GRM4: variants seen among roughly 807,000 people sequenced by gnomAD.
GRM4 encodes the protein glutamate metabotropic receptor 4, also known as metabotropic glutamate receptor 4.
In GRM4, 28 loss-of-function variants were observed where a neutral mutation model predicts 81.7. The observed-to-expected ratio is 0.34, with a 90% CI of 0.25 to 0.47. GRM4 has a LOEUF of 0.47. Ranked by LOEUF, GRM4 falls within the 20% of genes least tolerant of loss-of-function variation. The probability of loss-of-function intolerance (pLI) is 1.00; values close to 1 mark genes in which losing one functional copy is unlikely to be tolerated. For synonymous variants in GRM4, 488 were observed against 528.8 expected (o/e 0.92, Z 1.06); for missense variants, 948 against 1,290.0 (o/e 0.73, Z 4.06).
Position 34,078,499 on chromosome 6 carries a change from C to T in GRM4, c.736+13384G>A, listed in dbSNP as rs572670663. Among the ~76,000 whole-genome samples the T allele has an allele frequency of 1.3e-5, 2 of 152,266 alleles. No individual in the cohort carries two copies. Among genetic ancestry groups the T allele is most frequent in the South Asian group, 4.1e-4 (2 of 4,824 alleles). On this transcript the variant is annotated intron_variant, in intron 3 of 10. Coordinates refer to ENST00000538487, the MANE Select transcript of GRM4 (RefSeq NM_000841.4). This position sits in a 1 kb window ranked among gnomAD's most constrained non-coding sequence, Gnocchi z 4.8. The stretch of plus-strand genomic sequence containing the variant: ...TTCCCTTCTTCCACCCCGTCTTCTT[C>T]CCCACCTCCACCTTTCTATCTCACC...
At position 34,078,463 on chromosome 6, in the gene GRM4, C is replaced by T. The variant is rs977564334; in HGVS notation, c.736+13420G>A. 1.6e-4 allele frequency among the ~76,000 whole-genome samples: 24 copies of T among 152,172 alleles called. No individual in the cohort carries two copies. The highest frequency in any genetic ancestry group is 1.5e-3 in the Admixed American group (23 of 15,286). ...CCCCACCAGCCAGAGCCCAGTGCTG[C>T]GGTCCACACCTTCCCTTCTTCCACC... On this transcript the variant is annotated intron_variant, in intron 3 of 10. Coordinates refer to ENST00000538487, the MANE Select transcript of GRM4 (RefSeq NM_000841.4). The surrounding 1 kb of genome is among the most constrained non-coding windows in gnomAD (Gnocchi z 4.8).
intron 2 of GRM4, among the ~76,000 whole-genome samples, chr6:34,107,966 G>A (rs1769203847): frequency 6.6e-6 from 1 of 152,222 alleles, no homozygotes; most frequent in South Asian, 2.1e-4. Context: ...CTGGAGCCAG[G>A]AGACAAGGCT....
intron 2 of GRM4, among the ~76,000 whole-genome samples, chr6:34,098,420 T>C (rs1768653601): frequency 1.3e-5 from 2 of 152,162 alleles, no homozygotes; most frequent in African/African-American, 4.8e-5. Context: ...CTGACTCTGC[T>C]CTTTCTGTTC....
rs1427674762 is a variant in GRM4 at position 34,130,950 on chromosome 6, G to T, written c.519+2028C>A. On this transcript the variant is annotated intron_variant, in intron 2 of 10. Coordinates refer to ENST00000538487, the MANE Select transcript of GRM4 (RefSeq NM_000841.4). This position sits in a 1 kb window ranked among gnomAD's most constrained non-coding sequence, Gnocchi z 4.1. ...AGGCTGGGGATCTGTGCCCCACCCTGCCAGGCTGACAAGGAGGAGTCCAAG... is the reference window on the plus strand; with the variant it reads ...AGGCTGGGGATCTGTGCCCCACCCTTCCAGGCTGACAAGGAGGAGTCCAAG... Among the ~76,000 whole-genome samples, 1 of 152,236 alleles carries T rather than the reference G, an allele frequency of 6.6e-6. No homozygotes were observed. The highest frequency in any genetic ancestry group is 1.5e-5 in the Non-Finnish European group (1 of 68,044).
chr6:34,154,987 G>A (rs1281909554), intron 1 of GRM4: 1 of 1,099,322 alleles, frequency 9.1e-7, no homozygotes. Flanking sequence ...GGTCCGAGCG[G>A]GACCCAGGCC....
At chr6:34,071,842 TACAAACCACACACACAACCATAC>T (rs1766891542) in intron 3 of GRM4, among the ~76,000 whole-genome samples, 2 of 84,740 alleles carry the variant, frequency 2.4e-5, no homozygotes, top group Non-Finnish European at 4.7e-5. Flanking sequence ...ACCACACAGA[TACAAACCACACACACAACCATAC>T]ATCAACACAC....
Position 34,070,806 on chromosome 6 carries a change from A to G in GRM4, c.737-8778T>C, listed in dbSNP as rs1240405531. On this transcript the variant is annotated intron_variant, in intron 3 of 10. Coordinates refer to ENST00000538487, the MANE Select transcript of GRM4 (RefSeq NM_000841.4). This position sits in a 1 kb window ranked among gnomAD's most constrained non-coding sequence, Gnocchi z 4.6. ...CACACCCCCAGCCACACACACACAC[A>G]CACACACACACACGGCAATGCACAC... 1.3e-5 allele frequency among the ~76,000 whole-genome samples: 2 copies of G among 148,314 alleles called. No individual in the cohort carries two copies. The highest frequency in any genetic ancestry group is 1.5e-5 in the Non-Finnish European group (1 of 67,170).
chr6:34,104,237 C>T (rs537612302), intron 2 of GRM4, among the ~76,000 whole-genome samples: 2 of 152,168 alleles, frequency 1.3e-5, no homozygotes, highest in Non-Finnish European at 2.9e-5. Flanking sequence ...CCCAAAGGGG[C>T]GAGGCTGAGG....
chr6:34,022,731 A>G lies in GRM4; in HGVS notation c.*90T>C. ...GTCCGTGGGTGCCCACGGGCAGGCA[A>G]GACAGCTGGGCCCTTGGGTGTGGCC... On this transcript the variant is annotated 3_prime_UTR_variant, in exon 11 of 11. Transcript: ENST00000538487. This position sits in a 1 kb window ranked among gnomAD's most constrained non-coding sequence, Gnocchi z 5.6. 5.0e-6 allele frequency: 6 copies of G among 1,196,908 alleles called. No homozygotes were observed. Among genetic ancestry groups the G allele is most frequent in the Non-Finnish European group, 7.5e-6 (6 of 804,092 alleles). The allele number at this position is 1,196,908 out of a possible 1,614,324, so 74.1% of individuals were successfully genotyped here.
intron 2 of GRM4, among the ~76,000 whole-genome samples, chr6:34,128,339 G>A (rs1770102002): frequency 6.6e-6 from 1 of 151,404 alleles, no homozygotes; most frequent in Admixed American, 6.6e-5. Context: ...CAGGCACCAT[G>A]CTAGGCCTTC....
intron 1 of GRM4, among the ~76,000 whole-genome samples, chr6:34,141,306 C>T (rs1321222330): frequency 1.3e-5 from 2 of 152,168 alleles, no homozygotes; most frequent in Admixed American, 6.5e-5. Context: ...AGTGCCTTCT[C>T]GGGAGAACTG....
chr6:34,134,804 A>G (rs1041324023), intron 1 of GRM4, among the ~76,000 whole-genome samples: 3 of 152,118 alleles, frequency 2.0e-5, no homozygotes, highest in African/African-American at 7.2e-5. Context: ...GATCATCATC[A>G]TCATTATTGT....
chr6:34,043,615 G>C lies in GRM4; in HGVS notation c.1169-2867C>G, dbSNP rs576585974. On this transcript the variant is annotated intron_variant, in intron 6 of 10. Coordinates refer to ENST00000538487, the MANE Select transcript of GRM4 (RefSeq NM_000841.4). ...CCAAGGACGCACCCAGCCATGGGAGGCTAGCTGGATCTCTGGGGAAACACA... is the reference window on the plus strand; with the variant it reads ...CCAAGGACGCACCCAGCCATGGGAGCCTAGCTGGATCTCTGGGGAAACACA... 2.6e-5 allele frequency among the ~76,000 whole-genome samples: 4 copies of C among 152,286 alleles called. No homozygotes were observed. The South Asian group carries it at 6.2e-4, about 24-fold the overall frequency.
At chr6:34,094,615 G>A (rs1208957078) in intron 2 of GRM4, among the ~76,000 whole-genome samples, 7 of 152,228 alleles carry the variant, frequency 4.6e-5, no homozygotes, top group African/African-American at 1.7e-4. Context: ...CTGTGCAGGG[G>A]AGGTTAGTTC....
At chr6:34,129,543 T>C (rs1384126904) in intron 2 of GRM4, among the ~76,000 whole-genome samples, 2 of 152,100 alleles carry the variant, frequency 1.3e-5, no homozygotes, top group Non-Finnish European at 2.9e-5. Context: ...ATGGGACAAA[T>C]TGCAAATGAA....
chr6:34,092,141 C>T lies in GRM4; in HGVS notation c.520-42G>A. On this transcript the variant is annotated intron_variant, in intron 2 of 10. Coordinates refer to ENST00000538487, the MANE Select transcript of GRM4 (RefSeq NM_000841.4). This position sits in a 1 kb window ranked among gnomAD's most constrained non-coding sequence, Gnocchi z 6.8. ...GCTGCTGAGGGTGGCGACTGGCTCC[C>T]CACCCTGCCTAGCCAGCCCCATTCC... 2 of 1,381,792 alleles carry T rather than the reference C, an allele frequency of 1.4e-6. No homozygotes were observed. Among genetic ancestry groups the T allele is most frequent in the East Asian group, 2.3e-5 (1 of 43,134 alleles). 85.6% of individuals were successfully genotyped at this position (1,381,792 alleles called of 1,614,324 possible).
rs2127442185 is a variant in GRM4, at chr6:34,035,343, G to A, written c.2442+325C>T. ...AAGGAGAACAGGGGGAGGATGGAAAGAGGGAGTAAAGTGGGGCTGAAGGAG... is the reference window on the plus strand; with the variant it reads ...AAGGAGAACAGGGGGAGGATGGAAAAAGGGAGTAAAGTGGGGCTGAAGGAG... On this transcript the variant is annotated intron_variant, in intron 9 of 10. Coordinates refer to ENST00000538487, the MANE Select transcript of GRM4 (RefSeq NM_000841.4). This position sits in a 1 kb window ranked among gnomAD's most constrained non-coding sequence, Gnocchi z 6.6. Among the ~76,000 whole-genome samples the A allele has an allele frequency of 6.6e-6, 1 of 150,622 alleles. No individual in the cohort carries two copies. The highest frequency in any genetic ancestry group is 2.5e-5 in the African/African-American group (1 of 40,814).
At position 34,092,113 on chromosome 6, in the gene GRM4, G is replaced by C; in HGVS notation, c.520-14C>G. ...GATCTGGGGTATCTGAGGGGCGAGA[G>C]GGGCTGCTGAGGGTGGCGACTGGCT... On this transcript the variant is annotated splice_polypyrimidine_tract_variant and intron_variant, in intron 2 of 10. Coordinates refer to ENST00000538487, the MANE Select transcript of GRM4 (RefSeq NM_000841.4). This position sits in a 1 kb window ranked among gnomAD's most constrained non-coding sequence, Gnocchi z 6.8. 5 of 1,574,630 alleles carry C rather than the reference G, an allele frequency of 3.2e-6. No individual in the cohort carries two copies. Among genetic ancestry groups the C allele is most frequent in the Non-Finnish European group, 4.3e-6 (5 of 1,149,584 alleles).
intron 2 of GRM4, among the ~76,000 whole-genome samples, chr6:34,129,083 C>T (rs940215600): frequency 4.0e-5 from 6 of 151,384 alleles, no homozygotes; most frequent in Non-Finnish European, 7.4e-5. Flanking sequence ...GGTGCGATCT[C>T]GGCTCACTGC....
Sources: allele counts gnomAD v4.1 joint callset (sites outside exome capture counted in the v4.1 genomes callset), GRCh38; gene constraint gnomAD v4.1.1; non-coding constraint Gnocchi (gnomAD v3.1); transcripts MANE v1.5; gene names NCBI Gene and HGNC (gene_info 2026-07-23, HGNC 2026-07-21).